Variants in IQGAP2 observed in about 807,000 individuals in gnomAD.
IQGAP2 encodes ras GTPase-activating-like protein IQGAP2.
IQGAP2 carries 173 observed loss-of-function variants against 201.3 expected under a neutral mutation model. The observed-to-expected ratio is 0.86, with a 90% CI of 0.76 to 0.98. The LOEUF is 0.98. Among genes scored for constraint, IQGAP2 ranks in the 50% least tolerant of loss-of-function variants. IQGAP2 has a pLI of 0.00. For synonymous variants in IQGAP2, 675 were observed against 673.9 expected, an observed-to-expected ratio of 1.00 and a Z score of -0.03; for missense variants, 1,687 against 1,864.8, an observed-to-expected ratio of 0.90 and a Z score of 1.76.
chr5:76,493,803 C>A (rs1018323979), intron 2 of IQGAP2, among the ~76,000 whole-genome samples: 1 of 152,110 alleles, frequency 6.6e-6, no homozygotes, highest in Non-Finnish European at 1.5e-5. Context: ...CTTACTAGTA[C>A]GGCCTAGTTA....
At chr5:76,537,369 G>C (rs1327367928) in intron 2 of IQGAP2, among the ~76,000 whole-genome samples, 1 of 152,088 alleles carries the variant, frequency 6.6e-6, no homozygotes, top group Non-Finnish European at 1.5e-5. Context: ...GTGATATTAA[G>C]GTATTATTTC....
chr5:76,417,370 A>G (rs964166782), intron 1 of IQGAP2, among the ~76,000 whole-genome samples: 3 of 152,022 alleles, frequency 2.0e-5, no homozygotes, highest in South Asian at 2.1e-4. Context: ...GCTTACTGCA[A>G]TCTCCGCCTC....
chr5:76,656,855 T>C (rs1253016269), intron 20 of IQGAP2, among the ~76,000 whole-genome samples: 1 of 151,862 alleles, frequency 6.6e-6, no homozygotes, highest in Non-Finnish European at 1.5e-5. Context: ...CTTTCTTAGT[T>C]CAGCATCTTT....
At chr5:76,436,754 T>C (rs573114835) in intron 1 of IQGAP2, among the ~76,000 whole-genome samples, 203 of 151,136 alleles carry the variant, frequency 1.3e-3, no homozygotes, top group Middle Eastern at 3.4e-3. Context: ...GGTCTCGATC[T>C]TTTGGCCTCG....
Position 76,494,601 on chromosome 5 carries a change from A to G in IQGAP2, c.146+32932A>G, listed in dbSNP as rs186551627. On this transcript the variant is annotated intron_variant, in intron 2 of 35. Transcript: ENST00000274364. Reference sequence around the variant, plus strand: ...TAAATAAAAGCACATGATAGAATACAAGATGGAAAAGAATAATTCCTAAAA... The same window carrying G: ...TAAATAAAAGCACATGATAGAATACGAGATGGAAAAGAATAATTCCTAAAA... 1.7e-3 allele frequency among the ~76,000 whole-genome samples: 253 copies of G among 152,322 alleles called. 1 individual carries two copies. The highest frequency in any genetic ancestry group is 2.1e-3 in the Non-Finnish European group (140 of 68,028).
intron 13 of IQGAP2, among the ~76,000 whole-genome samples, chr5:76,625,364 C>G (rs953945016): frequency 1.3e-5 from 2 of 152,124 alleles, no homozygotes; most frequent in African/African-American, 4.8e-5. Context: ...ACTCATAGAG[C>G]TTAGTTTTTA....
intron 2 of IQGAP2, among the ~76,000 whole-genome samples, chr5:76,499,463 C>A (rs1222753434): frequency 6.6e-6 from 1 of 152,210 alleles, no homozygotes; most frequent in African/African-American, 2.4e-5. Flanking sequence ...GGGAGAGATA[C>A]CATCACCTCC....
intron 2 of IQGAP2, among the ~76,000 whole-genome samples, chr5:76,483,986 G>A (rs1315747715): frequency 6.6e-6 from 1 of 151,702 alleles, no homozygotes; most frequent in African/African-American, 2.4e-5. Context: ...GACGCAATGT[G>A]AATCAAATAG....
chr5:76,514,740 G>A (rs189657747), intron 2 of IQGAP2, among the ~76,000 whole-genome samples: 69 of 152,312 alleles, frequency 4.5e-4, no homozygotes, highest in Non-Finnish European at 6.9e-4. Flanking sequence ...TAAACATCAC[G>A]TTGTACTTGC....
intron 2 of IQGAP2, among the ~76,000 whole-genome samples, chr5:76,521,935 A>G (rs1476803156): frequency 6.9e-6 from 1 of 145,694 alleles, no homozygotes; most frequent in African/African-American, 2.5e-5. Context: ...TGTGTCATTC[A>G]AAAGAATTGA....
intron 2 of IQGAP2, among the ~76,000 whole-genome samples, chr5:76,534,191 T>C (rs1295015395): frequency 6.6e-6 from 1 of 152,200 alleles, no homozygotes; most frequent in African/African-American, 2.4e-5. Context: ...TTCAACACTG[T>C]TTGTGGAAAG....
Position 76,574,439 on chromosome 5 carries a change from G to A in IQGAP2, c.382-1254G>A, listed in dbSNP as rs183506381. 3.0e-3 allele frequency among the ~76,000 whole-genome samples: 451 copies of A among 152,252 alleles called. 1 individual carries two copies. Among genetic ancestry groups the A allele is most frequent in the African/African-American group, 0.01 (431 of 41,528 alleles). ...CTGCCTCAGCCTCCCAAGTAGCTGG[G>A]ATTACAGGCATGCACCACCACGCCT... On this transcript the variant is annotated intron_variant, in intron 4 of 35. Coordinates refer to ENST00000274364, the MANE Select transcript of IQGAP2 (RefSeq NM_006633.5).
intron 26 of IQGAP2, 73 bp from the exon 27 acceptor site, chr5:76,674,402 TTA>T: frequency 1.2e-6 from 1 of 846,272 alleles, no homozygotes; most frequent in Non-Finnish European, 1.9e-6. Flanking sequence ...ATATATATCT[TTA>T]AAAAAAAAAA....
At chr5:76,444,251 A>C (rs1267427925) in intron 1 of IQGAP2, among the ~76,000 whole-genome samples, 1 of 152,106 alleles carries the variant, frequency 6.6e-6, no homozygotes, top group Non-Finnish European at 1.5e-5. Context: ...AAATAATAGA[A>C]AGAGAAAATA....
chr5:76,410,405 T>TA (rs927982757), intron 1 of IQGAP2, among the ~76,000 whole-genome samples: 13 of 152,188 alleles, frequency 8.5e-5, no homozygotes, highest in Admixed American at 4.6e-4. Flanking sequence ...TGAGATGGTT[T>TA]AAAAAAAGAA....
chr5:76,656,448 T>G (rs1337534641), intron 20 of IQGAP2, among the ~76,000 whole-genome samples: 2 of 152,054 alleles, frequency 1.3e-5, no homozygotes, highest in Non-Finnish European at 2.9e-5. Context: ...CCCAAAATGC[T>G]GGGATTACAG....
chr5:76,454,694 G>T (rs1204910362), intron 1 of IQGAP2, among the ~76,000 whole-genome samples: 1 of 151,140 alleles, frequency 6.6e-6, no homozygotes, highest in African/African-American at 2.4e-5. Context: ...GTCTATCATT[G>T]TTGGACATTT....
At chr5:76,613,055 G>A (rs547796139) in intron 13 of IQGAP2, among the ~76,000 whole-genome samples, 1 of 152,292 alleles carries the variant, frequency 6.6e-6, no homozygotes, top group South Asian at 2.1e-4. Context: ...CAGTGGCATT[G>A]CCTGACCCTC....
rs57901029 is a variant in IQGAP2, at chr5:76,626,615, T to C, written c.1522-795T>C. ...TCTCTTACACTACATTGTTAGGTCC[T>C]TGAGGACAATCACCATGTTGTTGTT... On this transcript the variant is annotated intron_variant, in intron 13 of 35. Coordinates refer to ENST00000274364, the MANE Select transcript of IQGAP2 (RefSeq NM_006633.5). Among the ~76,000 whole-genome samples, 436 of 152,220 alleles carry C rather than the reference T, an allele frequency of 2.9e-3. 2 individuals are homozygous for C. The highest frequency in any genetic ancestry group is 0.01 in the African/African-American group (416 of 41,522).
Sources: gnomAD v4.1 joint callset for allele counts (sites outside exome capture counted in the v4.1 genomes callset) on GRCh38, gnomAD v4.1.1 for gene constraint, MANE v1.5 for transcripts, NCBI Gene and HGNC (gene_info 2026-07-23, HGNC 2026-07-21) for gene names.